Variants in PTRH1 observed in about 807,000 individuals in gnomAD.
The protein encoded by PTRH1 is peptidyl-tRNA hydrolase 1 homolog, also known as peptidyl-tRNA hydrolase.
A neutral mutation model predicts 15.7 loss-of-function variants in PTRH1; 13 were observed. The ratio of observed to expected loss-of-function variants is 0.83; its 90% CI spans 0.54 to 1.31. The LOEUF is 1.31. PTRH1 is among the 40% of genes most tolerant of loss of function. The pLI, the probability that PTRH1 is intolerant of heterozygous loss-of-function variation, is 0.00. For missense variants in PTRH1, 319 were observed against 296.2 expected (o/e 1.08, Z -0.56); for synonymous variants, 139 against 136.7 (o/e 1.02, Z -0.12).
At position 127,705,354 on chromosome 9, in the gene PTRH1, G is replaced by A. The variant is rs928431657; in HGVS notation, c.205+10081C>T. Among the ~76,000 whole-genome samples the A allele has an allele frequency of 1.3e-5, 2 of 152,202 alleles. No individual in the cohort carries two copies. Among genetic ancestry groups the A allele is most frequent in the Non-Finnish European group, 2.9e-5 (2 of 68,032 alleles). On this transcript the variant is annotated intron_variant, in intron 1 of 2. Coordinates refer to the PTRH1 transcript ENST00000335223. This position sits in a 1 kb window ranked among gnomAD's most constrained non-coding sequence, Gnocchi z 4.7. Reference sequence around the variant, plus strand: ...AGTAGCGGCCTATGGTCCAAAGTAGGGAGCTTTGGGGAGAGTCTCCAAGCA... The same window carrying A: ...AGTAGCGGCCTATGGTCCAAAGTAGAGAGCTTTGGGGAGAGTCTCCAAGCA...
Position 127,714,598 on chromosome 9 carries a change from C to G in PTRH1, c.416+5G>C. On this transcript the variant is annotated splice_donor_5th_base_variant and intron_variant, in intron 3 of 4. Coordinates refer to ENST00000543175, the MANE Select transcript of PTRH1 (RefSeq NM_001002913.3). ...ATCCCAACCCTGACCATCTCAGGACCTCACCTGGCACTGCCCCCCAGCTTC... is the reference window on the plus strand; with the variant it reads ...ATCCCAACCCTGACCATCTCAGGACGTCACCTGGCACTGCCCCCCAGCTTC... 1 of 1,613,376 alleles carries G rather than the reference C, an allele frequency of 6.2e-7. No homozygotes were observed. Among genetic ancestry groups the G allele is most frequent in the South Asian group, 1.1e-5 (1 of 91,000 alleles).
chr9:127,714,266 C>A lies in PTRH1; in HGVS notation c.479G>T (p.Arg160Leu). The change falls in exon 5 of 5, where the codon CGG (arginine) becomes CTG (leucine). Residue 160 changes from arginine to leucine, a missense_variant. Arg to Leu is a moderately radical substitution (Grantham distance 102). Coordinates refer to ENST00000543175, the MANE Select transcript of PTRH1 (RefSeq NM_001002913.3). Reference protein sequence around the residue: ...CLNSNAMPRLRVGIGRPAHPE... With the variant: ...CLNSNAMPRLLVGIGRPAHPE... ...GTGCGCCGGGCGCCCGATACCCACC[C>A]GCAGCCTTGGCATTGCCTGTGGGAG... 6.2e-7 allele frequency: 1 copy of A among 1,613,936 alleles called. No homozygotes were observed. Among genetic ancestry groups the A allele is most frequent in the South Asian group, 1.1e-5 (1 of 91,080 alleles).
intron 1 of PTRH1, among the ~76,000 whole-genome samples, chr9:127,698,394 A>G (rs1842578579): frequency 6.6e-6 from 1 of 152,182 alleles, no homozygotes; most frequent in Non-Finnish European, 1.5e-5. Flanking sequence ...CTACTAGAAA[A>G]ACGAAAAACA....
downstream of PTRH1, chr9:127,712,588 T>G (rs1202997215): frequency 1.9e-6 from 3 of 1,575,834 alleles, no homozygotes; most frequent in Admixed American, 5.6e-5. Flanking sequence ...GACTGAAGAA[T>G]GGGTATCCCA....
intron 1 of PTRH1, among the ~76,000 whole-genome samples, chr9:127,704,816 A>G (rs1046249350): frequency 1.3e-5 from 2 of 152,148 alleles, no homozygotes; most frequent in Non-Finnish European, 2.9e-5. Flanking sequence ...TGGCATGATC[A>G]TAACTCACTG....
At chr9:127,712,580 C>G, downstream of PTRH1, 2 of 1,566,012 alleles carry the variant, frequency 1.3e-6, no homozygotes, top group South Asian at 1.2e-5. Context: ...GTCTTCCCGA[C>G]TGAAGAATGG....
chr9:127,697,015 G>A (rs887122605), intron 1 of PTRH1, among the ~76,000 whole-genome samples: 1 of 152,150 alleles, frequency 6.6e-6, no homozygotes, highest in African/African-American at 2.4e-5. Flanking sequence ...AAATAAAGTG[G>A]TACAATAAAA....
In PTRH1 at chr9:127,699,979, G is replaced by A. The variant is rs549784863; in HGVS notation, c.206-4838C>T. The stretch of plus-strand genomic sequence containing the variant: ...GCAGATCACTTGAGGCCAGGAGTTC[G>A]AGACCAGCCTGGCCAACACGGTGAA... On this transcript the variant is annotated intron_variant, in intron 1 of 2. Transcript: ENST00000335223. Among the ~76,000 whole-genome samples, 8 of 152,030 alleles carry A rather than the reference G, an allele frequency of 5.3e-5. No individual in the cohort carries two copies. In the East Asian group the frequency reaches 9.7e-4, roughly 18 times the overall value.
intron 2 of PTRH1, among the ~76,000 whole-genome samples, chr9:127,694,270 G>A (rs774996808): frequency 1.3e-5 from 2 of 152,058 alleles, no homozygotes; most frequent in African/African-American, 4.8e-5. Context: ...CAAACAGAAG[G>A]CTTTGGAACG....
intron 1 of PTRH1, chr9:127,707,215 G>A (rs779866934): frequency 2.5e-6 from 4 of 1,604,554 alleles, no homozygotes; most frequent in African/African-American, 2.7e-5. Context: ...GCGGGCAGGA[G>A]TCTGGTGCCC....
At chr9:127,706,788 GAAGCCCAAA>G (rs1439452047) in intron 1 of PTRH1, among the ~76,000 whole-genome samples, 1 of 152,216 alleles carries the variant, frequency 6.6e-6, no homozygotes, top group African/African-American at 2.4e-5. Context: ...GTTGTCCCCA[GAAGCCCAAA>G]AAGTTGCCCT....
intron 1 of PTRH1, among the ~76,000 whole-genome samples, chr9:127,707,479 C>T (rs1356341293): frequency 1.3e-5 from 2 of 152,140 alleles, no homozygotes; most frequent in Non-Finnish European, 2.9e-5. Flanking sequence ...CTGCCTCACT[C>T]CTGCCCCATG....
rs142532794 is a variant in PTRH1 at position 127,699,026 on chromosome 9, G to C, written c.206-3885C>G. ...AGCGATCCTCCCTCCTTAGCCTCTG[G>C]AGTAGCTGGGACTACAGGCTAATTT... On this transcript the variant is annotated intron_variant, in intron 1 of 2. Coordinates refer to the PTRH1 transcript ENST00000335223. Among the ~76,000 whole-genome samples, 399 of 151,760 alleles carry C rather than the reference G, an allele frequency of 2.6e-3. 9 individuals are homozygous for C. In the East Asian group the frequency reaches 0.059, roughly 22 times the overall value.
At chr9:127,704,672 C>T (rs1054931981) in intron 1 of PTRH1, among the ~76,000 whole-genome samples, 4 of 152,094 alleles carry the variant, frequency 2.6e-5, no homozygotes, top group African/African-American at 7.2e-5. Context: ...CCATTGTTCC[C>T]GTTCTGTAAA....
downstream of PTRH1, chr9:127,710,738 G>A: frequency 6.4e-7 from 1 of 1,567,218 alleles, no homozygotes; most frequent in Non-Finnish European, 8.7e-7. Context: ...GAAGAAGTCG[G>A]TGCTGGACAA....
chr9:127,715,285 A>T lies in PTRH1; in HGVS notation c.97-91T>A. On this transcript the variant is annotated intron_variant, in intron 1 of 4. Coordinates refer to ENST00000543175, the MANE Select transcript of PTRH1 (RefSeq NM_001002913.3). The surrounding 1 kb of genome is among the most constrained non-coding windows in gnomAD (Gnocchi z 5.8). ...GTGGGCCCCAACGCAGAGGAGCGGA[A>T]ACGCAGAGCAACGCTGCAGTGGGGA... 7.2e-7 allele frequency: 1 copy of T among 1,388,868 alleles called. No homozygotes were observed. The highest frequency in any genetic ancestry group is 9.9e-7 in the Non-Finnish European group (1 of 1,012,612). The allele number at this position is 1,388,868 out of a possible 1,614,324, so 86.0% of individuals were successfully genotyped here. A position where few individuals can be genotyped will look rare whatever the true frequency, so the allele number is the denominator to read the frequency against.
chr9:127,710,197 C>T (rs962453048), downstream of PTRH1, among the ~76,000 whole-genome samples: 1 of 151,596 alleles, frequency 6.6e-6, no homozygotes, highest in Admixed American at 6.6e-5. Context: ...ATCTCTTGAG[C>T]CTGGGAGGCT....
rs142036389 is a variant in PTRH1, at chr9:127,699,998, C to G, written c.206-4857G>C. 7.9e-5 allele frequency among the ~76,000 whole-genome samples: 12 copies of G among 151,986 alleles called. No individual in the cohort carries two copies. In the East Asian group the frequency reaches 2.1e-3, roughly 27 times the overall value. On this transcript the variant is annotated intron_variant, in intron 1 of 2. Transcript: ENST00000335223. Reference sequence around the variant, plus strand: ...GAGTTCGAGACCAGCCTGGCCAACACGGTGAAACCCCGTCTCTACTAAAAA... The same window carrying G: ...GAGTTCGAGACCAGCCTGGCCAACAGGGTGAAACCCCGTCTCTACTAAAAA...
At chr9:127,703,415 C>T (rs1222270339) in intron 1 of PTRH1, among the ~76,000 whole-genome samples, 1 of 151,728 alleles carries the variant, frequency 6.6e-6, no homozygotes, top group Non-Finnish European at 1.5e-5. Flanking sequence ...CACTGCACTC[C>T]AGCCTGGGCG....
Sources: gnomAD v4.1 joint callset for allele counts (sites outside exome capture counted in the v4.1 genomes callset) on GRCh38, gnomAD v4.1.1 for gene constraint, Gnocchi (gnomAD v3.1) non-coding constraint, MANE v1.5 for transcripts, NCBI Gene and HGNC (gene_info 2026-07-23, HGNC 2026-07-21) for gene names.